SLC7A2: variants seen among roughly 807,000 people sequenced by gnomAD.
The protein encoded by SLC7A2 is cationic amino acid transporter 2.
A neutral mutation model predicts 58.9 loss-of-function variants in SLC7A2; 48 were observed. The ratio of observed to expected loss-of-function variants is 0.82; its 90% confidence interval spans 0.65 to 1.04. The LOEUF is 1.04. Ranked by LOEUF, SLC7A2 falls within the 50% of genes least tolerant of loss-of-function variation. The pLI, the probability that SLC7A2 is intolerant of heterozygous loss-of-function variation, is 0.00. For synonymous variants in SLC7A2, 363 were observed against 314.5 expected (o/e 1.15, Z -1.63); for missense variants, 1,029 against 818.8 (o/e 1.26, Z -3.13).
intron 10 of SLC7A2, 62 bp downstream of exon 10, chr8:17,560,595 A>G (rs1453164025): frequency 6.5e-5 from 91 of 1,401,068 alleles, no homozygotes; most frequent in Non-Finnish European, 8.9e-5. Context: ...TAGAGCTGGC[A>G]TGATATGAAA....
At chr8:17,510,106 G>C (rs956548080) in intron 2 of SLC7A2, among the ~76,000 whole-genome samples, 1 of 152,044 alleles carries the variant, frequency 6.6e-6, no homozygotes, top group African/African-American at 2.4e-5. Context: ...TGTAATCCCA[G>C]CTACTTGGGG....
At chr8:17,549,514 C>G (rs1186561712) in intron 5 of SLC7A2, among the ~76,000 whole-genome samples, 2 of 152,084 alleles carry the variant, frequency 1.3e-5, no homozygotes, top group Non-Finnish European at 2.9e-5. Context: ...TCTTTTCCCC[C>G]CAGCAGTTTG....
Position 17,560,339 on chromosome 8 carries a change from G to T in SLC7A2, c.1310G>T (p.Gly437Val). The stretch of plus-strand genomic sequence containing the variant: ...TTGTTTGGAAATAGGTACCAGCCTG[G>T]CTTATCTTACGACCAGCCCAAATGT... ...ACVLILRYQP[G>V]LSYDQPKCSP... Residue 437 changes from glycine (G) to valine (V), a missense_variant, in exon 10 of 13, where the codon GGC (glycine) becomes GTC (valine). Transcript: ENST00000494857. 6.2e-7 allele frequency: 1 copy of T among 1,613,862 alleles called. No homozygotes were observed. Among genetic ancestry groups the T allele is most frequent in the Non-Finnish European group, 8.5e-7 (1 of 1,179,766 alleles).
At chr8:17,495,533 A>C (rs537568446), upstream of SLC7A2, among the ~76,000 whole-genome samples, 4 of 152,178 alleles carry the variant, frequency 2.6e-5, no homozygotes, top group South Asian at 8.3e-4. Flanking sequence ...TGCTGTTTAA[A>C]CTTTCAGTTT....
rs1134978 is a variant in SLC7A2, at chr8:17,554,608, G to A, written c.1104G>A (p.Ala368=). 4.8e-5 allele frequency: 77 copies of A among 1,613,080 alleles called. No individual in the cohort carries two copies. Among genetic ancestry groups the A allele is most frequent in the Non-Finnish European group, 6.1e-5 (72 of 1,179,774 alleles). Residue 368 remains alanine, a synonymous_variant, in exon 8 of 13, where the codon GCG becomes GCA. Transcript: ENST00000494857. ...FPMPRVIYAM[A]EDGLLFKCLA... ...TGCCTCGTGTAATCTATGCTATGGC[G>A]GAGGATGGGTTGCTTTTCAAATGTC...
At chr8:17,538,761 CT>C (rs34272503) in intron 2 of SLC7A2, 7 of 1,600,186 alleles carry the variant, frequency 4.4e-6, no homozygotes, top group South Asian at 2.2e-5. Flanking sequence ...GATTTAATTA[CT>C]TTTTTTTCCA....
intron 2 of SLC7A2, among the ~76,000 whole-genome samples, chr8:17,534,559 A>T (rs568354257): frequency 1.3e-5 from 2 of 152,256 alleles, no homozygotes; most frequent in South Asian, 4.1e-4. Context: ...TATCATGCCA[A>T]ATATTACTCT....
chr8:17,524,402 A>C (rs908115502), intron 2 of SLC7A2, among the ~76,000 whole-genome samples: 1 of 116,722 alleles, frequency 8.6e-6, no homozygotes, highest in African/African-American at 3.2e-5. Context: ...TGAGATATAC[A>C]TATATGTGTG....
Position 17,532,229 on chromosome 8 carries a change from C to CAAAAAA in SLC7A2, c.-22-11064_-22-11059dup, listed in dbSNP as rs534441508. 7.1e-4 allele frequency among the ~76,000 whole-genome samples: 33 copies of CAAAAAA among 46,194 alleles called. 1 individual carries two copies. In the East Asian group the frequency reaches 7.3e-3, roughly 10 times the overall value. 30.3% of individuals were successfully genotyped at this position (46,194 alleles called of 152,430 possible). A position where few individuals can be genotyped will look rare whatever the true frequency, so the allele number is the denominator to read the frequency against. ...TGGGCAACAGGGCAAGACTCTATCT[C>CAAAAAA]AAAAAAAAAAAAAAAAAAAAAAAAA... On this transcript the variant is annotated intron_variant, in intron 2 of 12. Transcript: ENST00000494857.
chr8:17,554,987 C>T (rs1425906548), intron 8 of SLC7A2: 3 of 1,614,024 alleles, frequency 1.9e-6, no homozygotes, highest in East Asian at 2.2e-5. Context: ...ATTCTGTTTG[C>T]CATGGCCCGG....
chr8:17,556,407 A>G lies in SLC7A2; in HGVS notation c.1195+1708A>G, dbSNP rs73666186. 3.7e-3 allele frequency among the ~76,000 whole-genome samples: 571 copies of G among 152,272 alleles called. 3 individuals carry two copies. The highest frequency in any genetic ancestry group is 0.013 in the African/African-American group (540 of 41,554). Reference sequence around the variant, plus strand: ...TATTAAAATTAATAATTAAAAGAAGATAATTATAATAGACCACTTTTTAAA... The same window carrying G: ...TATTAAAATTAATAATTAAAAGAAGGTAATTATAATAGACCACTTTTTAAA... On this transcript the variant is annotated intron_variant, in intron 8 of 12. Coordinates refer to ENST00000494857, the MANE Select transcript of SLC7A2 (RefSeq NM_001370338.1).
chr8:17,533,270 TAAG>T (rs1281511466), intron 2 of SLC7A2, among the ~76,000 whole-genome samples: 2 of 152,238 alleles, frequency 1.3e-5, no homozygotes, highest in African/African-American at 2.4e-5. Flanking sequence ...TGCTGTGTTT[TAAG>T]AAGAACCAAA....
intron 2 of SLC7A2, among the ~76,000 whole-genome samples, chr8:17,532,294 A>ATT (rs2150714891): frequency 6.9e-6 from 1 of 144,874 alleles, no homozygotes; most frequent in East Asian, 2.1e-4. Flanking sequence ...ATGGCTGAAG[A>ATT]ATCAGATTAG....
intron 2 of SLC7A2, among the ~76,000 whole-genome samples, chr8:17,509,497 G>C (rs1299270042): frequency 6.6e-6 from 1 of 151,866 alleles, no homozygotes; most frequent in Non-Finnish European, 1.5e-5. Flanking sequence ...GTAGAGACAG[G>C]GTTTCATCGT....
rs1263427718 is a variant in SLC7A2 at position 17,560,538 on chromosome 8, G to C, written c.1504+5G>C. The C allele has an allele frequency of 3.7e-6, 6 of 1,610,440 alleles. No individual in the cohort carries two copies. The highest frequency in any genetic ancestry group is 5.1e-6 in the Non-Finnish European group (6 of 1,176,920). On this transcript the variant is annotated splice_donor_5th_base_variant and intron_variant, in intron 10 of 12. Coordinates refer to ENST00000494857, the MANE Select transcript of SLC7A2 (RefSeq NM_001370338.1). ...GCTTTCTGGTAGGATTCCTAGGTAA[G>C]TCTTCTTCTCTGCTTACATTGTACA...
At chr8:17,549,212 G>A (rs1221525483) in intron 5 of SLC7A2, among the ~76,000 whole-genome samples, 1 of 152,188 alleles carries the variant, frequency 6.6e-6, no homozygotes, top group Non-Finnish European at 1.5e-5. Context: ...GGAACTGTGG[G>A]AGCCACAATC....
chr8:17,560,304 A>G (rs760441379), intron 9 of SLC7A2, 24 bp from the exon 10 acceptor site: 17 of 1,585,976 alleles, frequency 1.1e-5, no homozygotes, highest in Middle Eastern at 1.7e-4. Context: ...GAGAATAAAG[A>G]CATAGATGTT....
intron 2 of SLC7A2, among the ~76,000 whole-genome samples, chr8:17,540,816 T>C (rs959752601): frequency 1.3e-5 from 2 of 152,172 alleles, no homozygotes; most frequent in African/African-American, 4.8e-5. Flanking sequence ...AAAAAGGATT[T>C]AAAAAAAGTT....
intron 2 of SLC7A2, among the ~76,000 whole-genome samples, chr8:17,533,659 T>C (rs1421288103): frequency 6.6e-6 from 1 of 152,252 alleles, no homozygotes; most frequent in Non-Finnish European, 1.5e-5. Context: ...AGCTTTCTTA[T>C]ACTCCACTAC....
Sources: allele counts gnomAD v4.1 joint callset (sites outside exome capture counted in the v4.1 genomes callset), GRCh38; gene constraint gnomAD v4.1.1; transcripts MANE v1.5; gene names NCBI Gene and HGNC (gene_info 2026-07-23, HGNC 2026-07-21).